MAF: variants seen among roughly 807,000 people sequenced by gnomAD.
MAF encodes the protein MAF bZIP transcription factor.
In MAF, 10 loss-of-function variants were observed where a neutral mutation model predicts 22.0. That is an observed-to-expected ratio of 0.45 (90% confidence interval 0.28 to 0.77). The LOEUF (loss-of-function observed/expected upper bound fraction) is 0.77. MAF is among the 30% of genes least tolerant of loss of function. The pLI, the probability that MAF is intolerant of heterozygous loss-of-function variation, is 0.12. For missense variants in MAF, 544 were observed against 548.4 expected (o/e 0.99, Z 0.08); for synonymous variants, 337 against 255.8 (o/e 1.32, Z -3.03).
At chr16:79,293,866 A>G in the MAF span, among the ~76,000 whole-genome samples, 1 of 149,966 alleles carries the variant, frequency 6.7e-6, no homozygotes, top group Non-Finnish European at 1.5e-5. Flanking sequence ...AGAGAGAGAG[A>G]GAGAAAGAGA....
At chr16:79,211,734 C>G in the MAF span, 14 of 1,614,190 alleles carry the variant, frequency 8.7e-6, no homozygotes, top group South Asian at 1.1e-5. Flanking sequence ...AGAGACGGCC[C>G]GGACCCTGTG....
the MAF span, among the ~76,000 whole-genome samples, chr16:79,246,651 A>G: frequency 6.6e-6 from 1 of 152,178 alleles, no homozygotes; most frequent in African/African-American, 2.4e-5. Context: ...AATTTCCAAC[A>G]TGAAATGTGT....
chr16:79,477,194 C>T, the MAF span, among the ~76,000 whole-genome samples: 7 of 152,222 alleles, frequency 4.6e-5, no homozygotes, highest in African/African-American at 1.7e-4. Flanking sequence ...TGACACTCCT[C>T]TTCTTGGGGA....
At chr16:79,502,238 C>A in the MAF span, among the ~76,000 whole-genome samples, 1 of 152,128 alleles carries the variant, frequency 6.6e-6, no homozygotes, top group Non-Finnish European at 1.5e-5. Flanking sequence ...CATTGACTAG[C>A]CAAGCACAAG....
the MAF span, among the ~76,000 whole-genome samples, chr16:79,540,118 A>T: frequency 1.3e-5 from 2 of 152,082 alleles, no homozygotes; most frequent in African/African-American, 4.8e-5. Flanking sequence ...AGGATCCCCA[A>T]GAGGTCACCA....
the MAF span, among the ~76,000 whole-genome samples, chr16:79,207,951 C>A: frequency 2.0e-5 from 3 of 152,196 alleles, no homozygotes; most frequent in Non-Finnish European, 4.4e-5. Context: ...TTCATCCCAA[C>A]ACCGAGTTTT....
chr16:79,500,149 G>A, the MAF span, among the ~76,000 whole-genome samples: 2 of 152,166 alleles, frequency 1.3e-5, no homozygotes, highest in Admixed American at 1.3e-4. Flanking sequence ...CTGGCCTCCA[G>A]GACTTTGAGA....
chr16:79,578,229 T>G, the MAF span, among the ~76,000 whole-genome samples: 1 of 152,204 alleles, frequency 6.6e-6, no homozygotes, highest in East Asian at 1.9e-4. Context: ...GTGCACTGTA[T>G]TTGTAATTTA....
the MAF span, among the ~76,000 whole-genome samples, chr16:79,333,004 G>A: frequency 2.0e-5 from 3 of 152,236 alleles, no homozygotes; most frequent in Admixed American, 2.0e-4. Flanking sequence ...CTGGCAGCTG[G>A]ACTGGCGCAC....
At chr16:79,214,115 G>C in the MAF span, among the ~76,000 whole-genome samples, 1 of 152,050 alleles carries the variant, frequency 6.6e-6, no homozygotes, top group South Asian at 2.1e-4. Context: ...CTCTGCTCAC[G>C]TTATCCCTGT....
the MAF span, among the ~76,000 whole-genome samples, chr16:79,329,664 C>T: frequency 6.6e-6 from 1 of 152,264 alleles, no homozygotes; most frequent in Non-Finnish European, 1.5e-5. Context: ...ACACCCTTAT[C>T]TCCCACACTG....
the MAF span, among the ~76,000 whole-genome samples, chr16:79,442,977 T>G: frequency 6.6e-6 from 1 of 152,208 alleles, no homozygotes; most frequent in Non-Finnish European, 1.5e-5. Context: ...GATGAAAGGT[T>G]AGTGTGTATG....
At chr16:79,310,484 T>C in the MAF span, among the ~76,000 whole-genome samples, 1 of 152,206 alleles carries the variant, frequency 6.6e-6, no homozygotes, top group Non-Finnish European at 1.5e-5. Flanking sequence ...TCCCCAGGCC[T>C]AGGTTGACCA....
the MAF span, among the ~76,000 whole-genome samples, chr16:79,399,600 A>T: frequency 1.3e-5 from 2 of 152,154 alleles, no homozygotes; most frequent in Non-Finnish European, 2.9e-5. Flanking sequence ...TGTCACTGAT[A>T]CGCCCCAGCC....
chr16:79,320,751 G>C, the MAF span, among the ~76,000 whole-genome samples: 282 of 152,326 alleles, frequency 1.9e-3, 2 homozygotes, highest in Non-Finnish European at 9.7e-4. Flanking sequence ...CTATAGTAGT[G>C]TTTGGCAGGG....
chr16:79,208,923 A>G, the MAF span, among the ~76,000 whole-genome samples: 1 of 152,238 alleles, frequency 6.6e-6, no homozygotes, highest in South Asian at 2.1e-4. Flanking sequence ...AAGGGAGGAA[A>G]GTAGAGTGAG....
the MAF span, among the ~76,000 whole-genome samples, chr16:79,251,806 C>A: frequency 6.6e-6 from 1 of 152,172 alleles, no homozygotes; most frequent in Non-Finnish European, 1.5e-5. Flanking sequence ...TATCTATTCT[C>A]CGATTTGCCT....
chr16:79,293,444 T>C, the MAF span, among the ~76,000 whole-genome samples: 3 of 152,230 alleles, frequency 2.0e-5, no homozygotes, highest in Non-Finnish European at 4.4e-5. Flanking sequence ...TTATGTAATA[T>C]ACACTTTCTA....
At chr16:79,545,043 G>A in the MAF span, among the ~76,000 whole-genome samples, 4 of 152,108 alleles carry the variant, frequency 2.6e-5, no homozygotes, top group Non-Finnish European at 5.9e-5. Context: ...CCAGGATGGT[G>A]TCCTTCACCA....
Sources: allele counts gnomAD v4.1 joint callset (sites outside exome capture counted in the v4.1 genomes callset), GRCh38; gene constraint gnomAD v4.1.1; transcripts MANE v1.5; gene names NCBI Gene and HGNC (gene_info 2026-07-23, HGNC 2026-07-21).